Variants in AUTS2 observed in about 807,000 individuals in gnomAD.
AUTS2 encodes the protein autism susceptibility gene 2 protein.
AUTS2 carries 17 observed loss-of-function variants against 112.4 expected under a neutral mutation model. That is an observed-to-expected ratio of 0.15 (90% CI 0.10 to 0.23). The LOEUF (loss-of-function observed/expected upper bound fraction) is 0.23. Among genes scored for constraint, AUTS2 ranks in the 10% least tolerant of loss-of-function variants. The pLI, the probability that AUTS2 is intolerant of heterozygous loss-of-function variation, is 1.00. For missense variants in AUTS2, 1,510 were observed against 1,701.6 expected (o/e 0.89, Z 1.98); for synonymous variants, 751 against 702.7 (o/e 1.07, Z -1.09).
chr7:70,172,950 C>T (rs1208425196), intron 4 of AUTS2, among the ~76,000 whole-genome samples: 1 of 152,162 alleles, frequency 6.6e-6, no homozygotes, highest in East Asian at 1.9e-4. Flanking sequence ...TATGCGATTA[C>T]ATTTTTTGAT....
intron 4 of AUTS2, among the ~76,000 whole-genome samples, chr7:70,169,682 CA>C (rs1219094070): frequency 6.6e-6 from 1 of 152,086 alleles, no homozygotes; most frequent in African/African-American, 2.4e-5. Context: ...CTGTAGAATG[CA>C]GAGGTTTCAT....
intron 1 of AUTS2, among the ~76,000 whole-genome samples, chr7:69,679,500 T>A (rs140628617): frequency 6.6e-6 from 1 of 152,236 alleles, no homozygotes; most frequent in African/African-American, 2.4e-5. Flanking sequence ...TTTTAAAATT[T>A]GTGTTGATTT....
At chr7:70,560,227 C>G (rs1056488764) in intron 5 of AUTS2, among the ~76,000 whole-genome samples, 1 of 152,220 alleles carries the variant, frequency 6.6e-6, no homozygotes, top group African/African-American at 2.4e-5. Context: ...TCCCCCACCC[C>G]AAATCACTCT....
intron 4 of AUTS2, among the ~76,000 whole-genome samples, chr7:70,249,120 T>A (rs1813078010): frequency 6.6e-6 from 1 of 152,220 alleles, no homozygotes; most frequent in Admixed American, 6.5e-5. Flanking sequence ...TATTGAAATA[T>A]AAGGTGTTAT....
intron 6 of AUTS2, among the ~76,000 whole-genome samples, chr7:70,760,212 A>G (rs578247744): frequency 2.1e-4 from 32 of 152,282 alleles, no homozygotes; most frequent in South Asian, 8.3e-4. Flanking sequence ...TCACCGTGTT[A>G]GCCAGGATGG....
intron 1 of AUTS2, among the ~76,000 whole-genome samples, chr7:69,845,601 A>T: frequency 6.6e-6 from 1 of 152,168 alleles, no homozygotes; most frequent in Middle Eastern, 3.2e-3. Flanking sequence ...AATCAGGAAA[A>T]GGAAAGTTGG....
chr7:70,490,111 G>A (rs1798174865), intron 5 of AUTS2, among the ~76,000 whole-genome samples: 1 of 152,024 alleles, frequency 6.6e-6, no homozygotes, highest in African/African-American at 2.4e-5. Context: ...ATTCCACCAT[G>A]AGGAGGTAGG....
At chr7:70,335,071 C>T (rs1013172782) in intron 4 of AUTS2, among the ~76,000 whole-genome samples, 1 of 152,088 alleles carries the variant, frequency 6.6e-6, no homozygotes. Context: ...CCTGTTGAGG[C>T]GTCTCAGAAT....
chr7:70,369,980 G>A (rs1194423033), intron 4 of AUTS2, among the ~76,000 whole-genome samples: 1 of 152,240 alleles, frequency 6.6e-6, no homozygotes, highest in African/African-American at 2.4e-5. Flanking sequence ...GACCATGGAT[G>A]TACAATTAGA....
intron 4 of AUTS2, among the ~76,000 whole-genome samples, chr7:70,272,667 A>G (rs1296386883): frequency 6.6e-6 from 1 of 152,138 alleles, no homozygotes; most frequent in Non-Finnish European, 1.5e-5. Flanking sequence ...CATGGAAAAG[A>G]AGGTTTTACA....
At chr7:69,949,893 A>G (rs1796959164) in intron 2 of AUTS2, among the ~76,000 whole-genome samples, 2 of 152,134 alleles carry the variant, frequency 1.3e-5, no homozygotes, top group African/African-American at 4.8e-5. Flanking sequence ...ATTAATAGAT[A>G]TTTGTTAAAT....
At chr7:70,207,553 C>T (rs1810632337) in intron 4 of AUTS2, among the ~76,000 whole-genome samples, 1 of 152,168 alleles carries the variant, frequency 6.6e-6, no homozygotes, top group Non-Finnish European at 1.5e-5. Flanking sequence ...CTTGCTTCAT[C>T]ATTTACTGGT....
chr7:69,723,211 A>C (rs1229268404), intron 1 of AUTS2, among the ~76,000 whole-genome samples: 1 of 152,038 alleles, frequency 6.6e-6, no homozygotes, highest in Non-Finnish European at 1.5e-5. Flanking sequence ...GAGTAGCAGA[A>C]TCGTGGTCTT....
chr7:69,788,251 C>G (rs1178394281), intron 1 of AUTS2, among the ~76,000 whole-genome samples: 2 of 152,154 alleles, frequency 1.3e-5, no homozygotes, highest in Non-Finnish European at 2.9e-5. Context: ...TTGTTAATGA[C>G]TTCCTTCTCT....
At chr7:69,894,568 A>T (rs1294855022) in intron 1 of AUTS2, among the ~76,000 whole-genome samples, 1 of 152,106 alleles carries the variant, frequency 6.6e-6, no homozygotes, top group Non-Finnish European at 1.5e-5. Context: ...TGGCTAAAGG[A>T]AGATAAGAGT....
chr7:70,487,962 C>T (rs1167565682), intron 5 of AUTS2, among the ~76,000 whole-genome samples: 1 of 152,180 alleles, frequency 6.6e-6, no homozygotes, highest in Non-Finnish European at 1.5e-5. Context: ...AGAAGCCCCT[C>T]GTAGAGGGCT....
At chr7:70,150,465 A>G (rs574798064) in intron 4 of AUTS2, among the ~76,000 whole-genome samples, 1 of 152,300 alleles carries the variant, frequency 6.6e-6, no homozygotes, top group South Asian at 2.1e-4. Flanking sequence ...GCAAAGAGCT[A>G]TTCCTCTTCC....
chr7:69,664,914 G>A (rs536282144), intron 1 of AUTS2, among the ~76,000 whole-genome samples: 1 of 152,170 alleles, frequency 6.6e-6, no homozygotes, highest in Non-Finnish European at 1.5e-5. Flanking sequence ...AATTCTAGGG[G>A]TTTAATTTAG....
chr7:70,435,838 T>A, intron 5 of AUTS2, 57 bp downstream of exon 5: 1 of 1,571,414 alleles, frequency 6.4e-7, no homozygotes, highest in Non-Finnish European at 8.8e-7. Context: ...AACACCAGAG[T>A]CCTCCCACAC....
Sources: gnomAD v4.1 joint callset for allele counts (sites outside exome capture counted in the v4.1 genomes callset) on GRCh38, gnomAD v4.1.1 for gene constraint, MANE v1.5 for transcripts, NCBI Gene and HGNC (gene_info 2026-07-23, HGNC 2026-07-21) for gene names.